The following EYA1 variants were observed in gnomAD, a reference collection of about 807,000 sequenced individuals.
EYA1 encodes EYA transcriptional coactivator and phosphatase 1, also known as protein phosphatase EYA1.
A neutral mutation model predicts 82.0 loss-of-function variants in EYA1; 16 were observed. The ratio of observed to expected loss-of-function variants is 0.20; its 90% CI spans 0.13 to 0.30. EYA1 has a LOEUF of 0.30. Among genes scored for constraint, EYA1 ranks in the 10% least tolerant of loss-of-function variants. The probability of loss-of-function intolerance (pLI) is 1.00; values close to 1 mark genes in which losing one functional copy is unlikely to be tolerated. For synonymous variants in EYA1, 261 were observed against 264.4 expected (o/e 0.99, Z 0.12); for missense variants, 633 against 730.7 (o/e 0.87, Z 1.54).
chr8:71,371,089 G>C (rs1828055182), intron 2 of EYA1, among the ~76,000 whole-genome samples: 1 of 152,170 alleles, frequency 6.6e-6, no homozygotes, highest in Non-Finnish European at 1.5e-5. Flanking sequence ...TTTAGCAATT[G>C]ATGATACTAG....
intron 9 of EYA1, among the ~76,000 whole-genome samples, chr8:71,296,309 C>T (rs746792997): frequency 2.6e-5 from 4 of 151,700 alleles, no homozygotes; most frequent in Admixed American, 6.6e-5. Flanking sequence ...ACAAGTAATA[C>T]TGCACACCAT....
chr8:71,368,220 T>C (rs543271622), intron 2 of EYA1, among the ~76,000 whole-genome samples: 1 of 141,198 alleles, frequency 7.1e-6, no homozygotes, highest in African/African-American at 2.7e-5. Context: ...TGATAGAGAG[T>C]TACAGGCTGG....
chr8:71,335,666 C>T (rs773457251), intron 3 of EYA1, among the ~76,000 whole-genome samples: 17 of 152,210 alleles, frequency 1.1e-4, no homozygotes, highest in Admixed American at 7.2e-4. Context: ...TCCATGACAC[C>T]AGACAACCTA....
chr8:71,354,888 T>C lies in EYA1; in HGVS notation c.18A>G (p.Leu6=). ...CACTCAGACGGCTATGCGGGCTGGT[T>C]AGATCCTGCATTTCCATAGACCTAA... MEMQD[L]TSPHSRLSGS... Residue 6 remains leucine, a synonymous_variant, in exon 3 of 18, where the codon CTA becomes CTG. Transcript: ENST00000340726. The C allele has an allele frequency of 2.5e-6, 4 of 1,613,602 alleles. No homozygotes were observed. In the South Asian group the frequency reaches 4.4e-5, roughly 18 times the overall value.
chr8:71,507,765 G>A (rs1322242629), intron 2 of EYA1, among the ~76,000 whole-genome samples: 1 of 152,208 alleles, frequency 6.6e-6, no homozygotes. Context: ...AGTGGGTATA[G>A]TGTGCTATCT....
chr8:71,375,829 A>T (rs1187287402), intron 2 of EYA1, among the ~76,000 whole-genome samples: 1 of 152,084 alleles, frequency 6.6e-6, no homozygotes, highest in Non-Finnish European at 1.5e-5. Context: ...GGGTTTCACC[A>T]TCTTGGCCAG....
chr8:71,294,973 G>C (rs1254874493), intron 9 of EYA1, among the ~76,000 whole-genome samples: 1 of 152,158 alleles, frequency 6.6e-6, no homozygotes, highest in Admixed American at 6.6e-5. Context: ...AAGCAGCAAA[G>C]GCAACATAAT....
intron 2 of EYA1, among the ~76,000 whole-genome samples, chr8:71,431,737 C>CT: frequency 6.6e-6 from 1 of 152,154 alleles, no homozygotes; most frequent in Non-Finnish European, 1.5e-5. Flanking sequence ...GAAAGAGACT[C>CT]CACAGGGCAT....
intron 6 of EYA1, among the ~76,000 whole-genome samples, chr8:71,321,453 C>T (rs1822532917): frequency 6.6e-6 from 1 of 152,160 alleles, no homozygotes; most frequent in Non-Finnish European, 1.5e-5. Context: ...ATTCCAGAGC[C>T]CAGTGCTCAA....
chr8:71,488,103 A>C (rs1810706115), intron 2 of EYA1, among the ~76,000 whole-genome samples: 1 of 152,214 alleles, frequency 6.6e-6, no homozygotes, highest in African/African-American at 2.4e-5. Flanking sequence ...GGATAAATAA[A>C]TTATGATGTA....
Position 71,526,683 on chromosome 8 carries a change from C to A in EYA1, c.33+9061G>T, listed in dbSNP as rs913911209. On this transcript the variant is annotated intron_variant, in intron 2 of 18. Coordinates refer to the EYA1 transcript ENST00000643681. ...GCCCTTGCAACATAGCAGCTGGCTT[C>A]CTCCAGAGTGAGTGATCCAACAGAG... 2.4e-4 allele frequency among the ~76,000 whole-genome samples: 37 copies of A among 152,218 alleles called. 1 individual carries two copies. The highest frequency in any genetic ancestry group is 2.2e-3 in the Admixed American group (33 of 15,288).
intron 11 of EYA1, among the ~76,000 whole-genome samples, chr8:71,265,592 G>T (rs1167152869): frequency 6.6e-6 from 1 of 152,152 alleles, no homozygotes; most frequent in Non-Finnish European, 1.5e-5. Context: ...CACAGGAGGG[G>T]GACCATGCCT....
chr8:71,366,567 G>A (rs1827770709), upstream of EYA1, among the ~76,000 whole-genome samples: 1 of 152,124 alleles, frequency 6.6e-6, no homozygotes, highest in Admixed American at 6.5e-5. Context: ...TTTGCTTTGT[G>A]TTTTTCAGGT....
chr8:71,342,633 A>G (rs1825267599), intron 3 of EYA1, among the ~76,000 whole-genome samples: 1 of 152,186 alleles, frequency 6.6e-6, no homozygotes, highest in Non-Finnish European at 1.5e-5. Flanking sequence ...GAATTTGTAG[A>G]TAAAAAATGT....
intron 3 of EYA1, 123 bp from the exon 4 acceptor site, chr8:71,334,297 G>T: frequency 1.2e-6 from 1 of 815,396 alleles, no homozygotes; most frequent in South Asian, 1.4e-5. Context: ...TTCCCTAACT[G>T]AACATATATC....
chr8:71,395,828 C>T (rs1004840928), intron 2 of EYA1, among the ~76,000 whole-genome samples: 4 of 152,124 alleles, frequency 2.6e-5, no homozygotes, highest in Admixed American at 2.6e-4. Context: ...GGAGTATTCC[C>T]TCTTTTTCTA....
chr8:71,263,549 G>A (rs1342212820), intron 11 of EYA1, among the ~76,000 whole-genome samples: 6 of 152,150 alleles, frequency 3.9e-5, no homozygotes, highest in South Asian at 4.1e-4. Context: ...GGCCCCAGGC[G>A]CATGTATGCA....
chr8:71,346,018 G>GCA (rs1386956496), intron 3 of EYA1, among the ~76,000 whole-genome samples: 12 of 150,568 alleles, frequency 8.0e-5, no homozygotes, highest in African/African-American at 3.0e-4. Context: ...GCACACGTGC[G>GCA]CGCACACACA....
chr8:71,440,119 T>C (rs1806304233), intron 2 of EYA1, among the ~76,000 whole-genome samples: 1 of 152,048 alleles, frequency 6.6e-6, no homozygotes, highest in Non-Finnish European at 1.5e-5. Context: ...CTGAGGCAAA[T>C]GAAAATAGCC....
Sources: allele counts gnomAD v4.1 joint callset (sites outside exome capture counted in the v4.1 genomes callset), GRCh38; gene constraint gnomAD v4.1.1; transcripts MANE v1.5; gene names NCBI Gene and HGNC (gene_info 2026-07-23, HGNC 2026-07-21).